TGFBR3: variants seen among roughly 807,000 people sequenced by gnomAD.
TGFBR3 encodes transforming growth factor beta receptor 3, also known as transforming growth factor beta receptor type 3.
Under a neutral mutation model 87.9 loss-of-function variants are expected in TGFBR3, and 46 were observed. The ratio of observed to expected loss-of-function variants is 0.52; its 90% CI spans 0.41 to 0.67. The LOEUF is 0.67. Among genes scored for constraint, TGFBR3 ranks in the 30% least tolerant of loss-of-function variants. The pLI is 0.00. For synonymous variants in TGFBR3, 381 were observed against 391.6 expected (o/e 0.97, Z 0.32); for missense variants, 866 against 1,041.9 (o/e 0.83, Z 2.32).
chr1:91,875,081 C>T (rs1678729224), intron 1 of TGFBR3, among the ~76,000 whole-genome samples: 1 of 152,156 alleles, frequency 6.6e-6, no homozygotes, highest in Non-Finnish European at 1.5e-5. Flanking sequence ...ATGAAGAATT[C>T]CATTTGACAA....
chr1:91,681,201 G>A lies in TGFBR3; in HGVS notation c.*2538C>T. 1 of 452,602 alleles carries A rather than the reference G, an allele frequency of 2.2e-6. No individual in the cohort carries two copies. Among genetic ancestry groups the A allele is most frequent in the Non-Finnish European group, 4.4e-6 (1 of 226,092 alleles). The allele number at this position is 452,602 out of a possible 1,614,324, so 28.0% of individuals were successfully genotyped here. A position where few individuals can be genotyped will look rare whatever the true frequency, so the allele number is the denominator to read the frequency against. On this transcript the variant is annotated 3_prime_UTR_variant, in exon 17 of 17. Transcript: ENST00000212355. ...TTGTATTAAAACTGTAAAGTGTGAA[G>A]CAATTAGAAATACTGTAATGAGAAG... is the stretch of plus-strand genomic sequence containing the variant.
At chr1:91,765,356 G>C (rs1055854906) in intron 3 of TGFBR3, among the ~76,000 whole-genome samples, 1 of 151,484 alleles carries the variant, frequency 6.6e-6, no homozygotes, top group African/African-American at 2.4e-5. Context: ...ATGTGACTAG[G>C]ATAATAATTA....
At chr1:91,711,732 GGA>G (rs1258301027) in intron 13 of TGFBR3, among the ~76,000 whole-genome samples, 1 of 152,130 alleles carries the variant, frequency 6.6e-6, no homozygotes, top group African/African-American at 2.4e-5. Context: ...CATTCAATCT[GGA>G]GAGTGACAGG....
chr1:91,768,959 A>G (rs1044889039), intron 3 of TGFBR3, among the ~76,000 whole-genome samples: 15 of 152,078 alleles, frequency 9.9e-5, no homozygotes, highest in African/African-American at 2.9e-4. Context: ...CCTTTGGGTC[A>G]CTCTGCCTTC....
intron 2 of TGFBR3, among the ~76,000 whole-genome samples, chr1:91,837,910 A>G (rs1360314535): frequency 6.6e-6 from 1 of 152,244 alleles, no homozygotes; most frequent in Non-Finnish European, 1.5e-5. Flanking sequence ...ATATCCTTAC[A>G]TATAACCTTC....
rs778391553 is a variant in TGFBR3, at chr1:91,729,783, TCA to T, written c.737+20_737+21del. On this transcript the variant is annotated intron_variant, in intron 6 of 16. Coordinates refer to ENST00000212355, the MANE Select transcript of TGFBR3 (RefSeq NM_003243.5). ...TCTTTACTTTCATCTCTTGTCACAC[TCA>T]CACACTTAGACTCACTTACCTGTAG... The T allele has an allele frequency of 1.9e-6, 3 of 1,613,884 alleles. No individual in the cohort carries two copies. Among genetic ancestry groups the T allele is most frequent in the Non-Finnish European group, 8.5e-7 (1 of 1,179,798 alleles).
chr1:91,743,005 C>G (rs1023435373), intron 4 of TGFBR3, among the ~76,000 whole-genome samples: 7 of 152,150 alleles, frequency 4.6e-5, no homozygotes, highest in Non-Finnish European at 1.0e-4. Context: ...GCCAAAGAGG[C>G]AACCAGCCCT....
At chr1:91,783,992 A>G (rs1674868855) in intron 3 of TGFBR3, among the ~76,000 whole-genome samples, 1 of 152,112 alleles carries the variant, frequency 6.6e-6, no homozygotes, top group African/African-American at 2.4e-5. Flanking sequence ...TGAGCAACCC[A>G]AGGGAGCTGC....
chr1:91,700,700 C>T (rs550203749), intron 14 of TGFBR3, among the ~76,000 whole-genome samples: 1 of 152,298 alleles, frequency 6.6e-6, no homozygotes, highest in African/African-American at 2.4e-5. Context: ...CTACAGAATG[C>T]ACTACCCTGG....
chr1:91,815,613 A>T (rs1372521853), intron 2 of TGFBR3, among the ~76,000 whole-genome samples: 1 of 152,176 alleles, frequency 6.6e-6, no homozygotes, highest in Non-Finnish European at 1.5e-5. Flanking sequence ...TTCCAGGCTC[A>T]TCTCTGCCAT....
chr1:91,853,259 C>CAAAAAAAAAAAAAAAAAAAAA (rs11340974), intron 2 of TGFBR3, among the ~76,000 whole-genome samples: 1 of 76,606 alleles, frequency 1.3e-5, no homozygotes, highest in African/African-American at 4.4e-5. Flanking sequence ...TGAGGGTTGG[C>CAAAAAAAAAAAAAAAAAAAAA]AAAAAAAAAA....
chr1:91,789,221 C>A lies in TGFBR3; in HGVS notation c.246+8066G>T, dbSNP rs376688675. 4.6e-5 allele frequency among the ~76,000 whole-genome samples: 7 copies of A among 152,184 alleles called. No homozygotes were observed. The East Asian group carries it at 1.2e-3, about 25-fold the overall frequency. On this transcript the variant is annotated intron_variant, in intron 3 of 16. Transcript: ENST00000212355. ...ACTCAGGAGGCTAAGGCAGGAGAAT[C>A]TCTTGAACCCAAGAGGCGGAGGTTG... is the stretch of plus-strand genomic sequence containing the variant.
chr1:91,819,305 T>C (rs985221694), intron 2 of TGFBR3, among the ~76,000 whole-genome samples: 9 of 151,720 alleles, frequency 5.9e-5, no homozygotes, highest in Non-Finnish European at 1.0e-4. Flanking sequence ...GAGGCAGGGG[T>C]TGCAGTGAGC....
At chr1:91,845,822 T>C (rs376809805) in intron 2 of TGFBR3, among the ~76,000 whole-genome samples, 19 of 152,210 alleles carry the variant, frequency 1.2e-4, no homozygotes, top group African/African-American at 4.6e-4. Flanking sequence ...ACTTGTTTTA[T>C]TTTAAGAAGA....
intron 16 of TGFBR3, among the ~76,000 whole-genome samples, chr1:91,694,046 G>A (rs1671349900): frequency 6.6e-6 from 1 of 152,090 alleles, no homozygotes. Context: ...CTGTCGCCCA[G>A]GCTGGAGTGC....
intron 14 of TGFBR3, among the ~76,000 whole-genome samples, chr1:91,704,047 G>A (rs762450478): frequency 6.6e-6 from 1 of 152,160 alleles, no homozygotes; most frequent in African/African-American, 2.4e-5. Context: ...GGAGAAGAGG[G>A]CCAGGTGCAG....
chr1:91,756,784 A>T (rs906128374), intron 4 of TGFBR3, among the ~76,000 whole-genome samples: 1 of 152,170 alleles, frequency 6.6e-6, no homozygotes, highest in Non-Finnish European at 1.5e-5. Context: ...TGCTAGTACA[A>T]AGGACTCTAC....
upstream of TGFBR3, among the ~76,000 whole-genome samples, chr1:91,888,627 A>G (rs2996483): frequency 5.7e-3 from 861 of 152,274 alleles, 6 homozygotes; most frequent in African/African-American, 0.02. Context: ...GTTTGAACCC[A>G]GGAGGCAGAG....
upstream of TGFBR3, among the ~76,000 whole-genome samples, chr1:91,890,997 A>T (rs1679431678): frequency 6.6e-6 from 1 of 151,676 alleles, no homozygotes; most frequent in African/African-American, 2.4e-5. Context: ...TCCTGAGTTC[A>T]AGCGATTTTC....
Sources: allele counts gnomAD v4.1 joint callset (sites outside exome capture counted in the v4.1 genomes callset), GRCh38; gene constraint gnomAD v4.1.1; transcripts MANE v1.5; gene names NCBI Gene and HGNC (gene_info 2026-07-23, HGNC 2026-07-21).